GJC1: variants seen among roughly 807,000 people sequenced by gnomAD.
GJC1 encodes the protein gap junction protein gamma 1.
Under a neutral mutation model 29.3 loss-of-function variants are expected in GJC1, and 5 were observed. That is an observed-to-expected ratio of 0.17 (90% CI 0.09 to 0.36). The LOEUF is 0.36. Ranked by LOEUF, GJC1 falls within the 10% of genes least tolerant of loss-of-function variation. GJC1 has a pLI of 1.00. For missense variants in GJC1, 310 were observed against 496.2 expected, an observed-to-expected ratio of 0.62 and a Z score of 3.56; for synonymous variants, 177 against 183.3, an observed-to-expected ratio of 0.97 and a Z score of 0.28.
rs59152296 is a variant in GJC1, at chr17:44,822,196, CAAAAAAAAAAAAAAA to C, written c.-97+7851_-97+7865del. ...TGGGAGACAGATCGAGACTCCGTCTCAAAAAAAAAAAAAAAAAAAAAAAAAAGAAACATATATAAT... is the reference window on the plus strand; with the variant it reads ...TGGGAGACAGATCGAGACTCCGTCTCAAAAAAAAAAAGAAACATATATAAT... On this transcript the variant is annotated intron_variant, in intron 1 of 2. Transcript: ENST00000592524. Among the ~76,000 whole-genome samples the C allele has an allele frequency of 9.3e-3, 443 of 47,608 alleles. 1 individual carries two copies. The highest frequency in any genetic ancestry group is 0.03 in the African/African-American group (431 of 14,542). The allele number at this position is 47,608 out of a possible 152,430, so 31.2% of individuals were successfully genotyped here.
intron 1 of GJC1, among the ~76,000 whole-genome samples, chr17:44,812,029 A>C (rs1199479463): frequency 6.6e-6 from 1 of 151,330 alleles, no homozygotes; most frequent in Non-Finnish European, 1.5e-5. Context: ...AAACAAAAAA[A>C]CCCAGCTGGG....
chr17:44,829,211 G>C (rs1265490385), intron 1 of GJC1, among the ~76,000 whole-genome samples: 1 of 151,984 alleles, frequency 6.6e-6, no homozygotes, highest in African/African-American at 2.4e-5. Flanking sequence ...CAAAGGAAAA[G>C]TACTCCCAAT....
chr17:44,828,916 T>C (rs1176363066), intron 1 of GJC1, among the ~76,000 whole-genome samples: 2 of 151,974 alleles, frequency 1.3e-5, no homozygotes, highest in African/African-American at 4.8e-5. Flanking sequence ...GTACTGGAGA[T>C]ATGCTGTTTC....
chr17:44,818,671 T>C (rs1310284190), intron 1 of GJC1, among the ~76,000 whole-genome samples: 1 of 151,928 alleles, frequency 6.6e-6, no homozygotes, highest in Non-Finnish European at 1.5e-5. Flanking sequence ...CCTGGGCTAC[T>C]GTAATCCCAG....
chr17:44,811,522 G>A (rs1398208980), intron 1 of GJC1, among the ~76,000 whole-genome samples: 1 of 151,368 alleles, frequency 6.6e-6, no homozygotes, highest in Non-Finnish European at 1.5e-5. Context: ...AAATACCTGA[G>A]ACTACAGTTG....
At chr17:44,816,540 C>T (rs574501376) in intron 1 of GJC1, among the ~76,000 whole-genome samples, 4 of 152,210 alleles carry the variant, frequency 2.6e-5, no homozygotes, top group South Asian at 2.1e-4. Context: ...GTCGCTCTGT[C>T]GCCCAGGCTG....
At chr17:44,821,730 A>AC (rs2050110751) in intron 1 of GJC1, among the ~76,000 whole-genome samples, 10 of 141,492 alleles carry the variant, frequency 7.1e-5, no homozygotes, top group South Asian at 2.2e-4. Context: ...AAAAAACAAC[A>AC]AAAAAACACC....
chr17:44,824,954 C>T (rs1334698536), intron 1 of GJC1, among the ~76,000 whole-genome samples: 1 of 148,496 alleles, frequency 6.7e-6, no homozygotes, highest in African/African-American at 2.5e-5. Context: ...GGTGCCTTGG[C>T]CTGTAATCCC....
Position 44,805,870 on chromosome 17 carries a change from C to A in GJC1, c.-20-33G>T. 2 of 933,584 alleles carry A rather than the reference C, an allele frequency of 2.1e-6. No homozygotes were observed. Among genetic ancestry groups the A allele is most frequent in the Non-Finnish European group, 3.2e-6 (2 of 617,786 alleles). The allele number at this position is 933,584 out of a possible 1,614,324, so 57.8% of individuals were successfully genotyped here. A position where few individuals can be genotyped will look rare whatever the true frequency, so the allele number is the denominator to read the frequency against. Reference sequence around the variant, plus strand: ...AAGTGGAAAAATACCAAAATAAAATCAACAAATATTAAATCTTAATTTAAT... The same window carrying A: ...AAGTGGAAAAATACCAAAATAAAATAAACAAATATTAAATCTTAATTTAAT... On this transcript the variant is annotated intron_variant, in intron 2 of 2. Transcript: ENST00000592524. The surrounding 1 kb of genome is among the most constrained non-coding windows in gnomAD (Gnocchi z 5.1).
In GJC1 at chr17:44,804,914, T is replaced by C; in HGVS notation, c.904A>G (p.Thr302Ala). The C allele has an allele frequency of 1.2e-6, 2 of 1,614,138 alleles. No individual in the cohort carries two copies. The highest frequency in any genetic ancestry group is 1.7e-6 in the Non-Finnish European group (2 of 1,180,024). Residue 302 changes from threonine (T) to alanine (A), a missense_variant, in exon 3 of 3, where the codon ACC becomes GCC. By Grantham distance (58) the Thr-to-Ala change is moderately conservative (BLOSUM62 0). Around this residue, in one of 4 missense-constraint regions of GJC1, gnomAD observed 146 missense variants for 165.0 expected, o/e 0.88. Transcript: ENST00000592524. Reference sequence around the variant, plus strand: ...GCGATCTTAGCATTGGACAGTTCGGTGTACTGGATTTGATCTGGTTTGACA... The same window carrying C: ...GCGATCTTAGCATTGGACAGTTCGGCGTACTGGATTTGATCTGGTTTGACA... ...IAVKPDQIQY[T>A]ELSNAKIAYK...
At chr17:44,826,297 C>A (rs1381624613) in intron 1 of GJC1, among the ~76,000 whole-genome samples, 1 of 152,040 alleles carries the variant, frequency 6.6e-6, no homozygotes, top group African/African-American at 2.4e-5. Flanking sequence ...TTTTGGGAGG[C>A]CGAGGTGGCC....
rs1400376534 is a variant in GJC1 at position 44,804,435 on chromosome 17, G to A, written c.*192C>T. 11 of 568,524 alleles carry A rather than the reference G, an allele frequency of 1.9e-5. No individual in the cohort carries two copies. Among genetic ancestry groups the A allele is most frequent in the Non-Finnish European group, 3.1e-5 (10 of 320,808 alleles). 35.2% of individuals were successfully genotyped at this position (568,524 alleles called of 1,614,324 possible). A position where few individuals can be genotyped will look rare whatever the true frequency, so the allele number is the denominator to read the frequency against. ...AACTGTATTATTGCTAAGAACATGT[G>A]CCTGGGAACACTGTGTTTCCCTTTC... On this transcript the variant is annotated 3_prime_UTR_variant, in exon 3 of 3. Coordinates refer to ENST00000592524, the MANE Select transcript of GJC1 (RefSeq NM_005497.4).
chr17:44,821,228 C>T (rs894450281), intron 1 of GJC1, among the ~76,000 whole-genome samples: 1 of 152,180 alleles, frequency 6.6e-6, no homozygotes, highest in Admixed American at 6.6e-5. Context: ...GTGGAACTGT[C>T]TTCATGCAAA....
upstream of GJC1, chr17:44,830,822 C>A (rs561990472): frequency 1.9e-4 from 74 of 397,484 alleles, no homozygotes; most frequent in Non-Finnish European, 2.8e-4. The surrounding 1 kb of genome is among the most constrained non-coding windows in gnomAD (Gnocchi z 4.3). Context: ...GCTCTAGATA[C>A]TTTTCAGGTC....
Position 44,805,995 on chromosome 17 carries a change from T to G in GJC1, c.-20-158A>C, listed in dbSNP as rs2049908600. Among the ~76,000 whole-genome samples the G allele has an allele frequency of 6.6e-6, 1 of 152,124 alleles. No homozygotes were observed. Among genetic ancestry groups the G allele is most frequent in the Non-Finnish European group, 1.5e-5 (1 of 68,022 alleles). On this transcript the variant is annotated intron_variant, in intron 2 of 2. Coordinates refer to ENST00000592524, the MANE Select transcript of GJC1 (RefSeq NM_005497.4). This position sits in a 1 kb window ranked among gnomAD's most constrained non-coding sequence, Gnocchi z 5.1. Reference sequence around the variant, plus strand: ...ATGTTAGAATAAACAGCATCTCAGTTGGGTAGGGTGGCTCACGCCTGTAAT... The same window carrying G: ...ATGTTAGAATAAACAGCATCTCAGTGGGGTAGGGTGGCTCACGCCTGTAAT...
downstream of GJC1, among the ~76,000 whole-genome samples, chr17:44,798,041 A>G (rs2049795216): frequency 6.6e-6 from 1 of 152,196 alleles, no homozygotes; most frequent in South Asian, 2.1e-4. Context: ...AAGGCACTCC[A>G]GGAAAGGCCT....
chr17:44,814,053 T>G (rs1294968964), intron 1 of GJC1, among the ~76,000 whole-genome samples: 1 of 152,152 alleles, frequency 6.6e-6, no homozygotes, highest in African/African-American at 2.4e-5. Context: ...GGAATTAACA[T>G]TTCTAAGCAG....
chr17:44,799,576 GATT>G lies in GJC1; in HGVS notation c.*5048_*5050del, dbSNP rs1317277505. 1.3e-5 allele frequency: 2 copies of G among 151,264 alleles called. No individual in the cohort carries two copies. The highest frequency in any genetic ancestry group is 6.6e-5 in the Admixed American group (1 of 15,156). The allele number at this position is 151,264 out of a possible 1,614,324, so 9.4% of individuals were successfully genotyped here. ...TTCTTTTAAAAAAAAAAAAAAGTAC[GATT>G]ATTAACACTGATTAATAACACATGA... is the stretch of plus-strand genomic sequence containing the variant. On this transcript the variant is annotated 3_prime_UTR_variant, in exon 3 of 3. Coordinates refer to ENST00000592524, the MANE Select transcript of GJC1 (RefSeq NM_005497.4).
At position 44,829,046 on chromosome 17, in the gene GJC1, G is replaced by A. The variant is rs532475637; in HGVS notation, c.-97+1016C>T. Among the ~76,000 whole-genome samples, 10 of 150,124 alleles carry A rather than the reference G, an allele frequency of 6.7e-5. No individual in the cohort carries two copies. In the East Asian group the frequency reaches 1.8e-3, roughly 26 times the overall value. ...ACATATAACAAATTTAGACTTATCA[G>A]GCATACAAGATGACCCTCAGCCTGA... On this transcript the variant is annotated intron_variant, in intron 1 of 2. Transcript: ENST00000592524.
Sources: gnomAD v4.1 joint callset for allele counts (sites outside exome capture counted in the v4.1 genomes callset) on GRCh38, gnomAD v4.1.1 for gene constraint, gnomAD v4.1.1 regional missense constraint, Gnocchi (gnomAD v3.1) non-coding constraint, MANE v1.5 for transcripts, NCBI Gene and HGNC (gene_info 2026-07-23, HGNC 2026-07-21) for gene names.